Variants in TMBIM6 observed in about 807,000 individuals in gnomAD.
TMBIM6 encodes the protein bax inhibitor 1.
A neutral mutation model predicts 31.4 loss-of-function variants in TMBIM6; 13 were observed. The ratio of observed to expected loss-of-function variants is 0.41; its 90% confidence interval spans 0.27 to 0.66. The LOEUF is 0.66. Ranked by LOEUF, TMBIM6 falls within the 30% of genes least tolerant of loss-of-function variation. The pLI is 0.28. For synonymous variants in TMBIM6, 85 were observed against 101.7 expected (o/e 0.84, Z 0.99); for missense variants, 275 against 289.5 (o/e 0.95, Z 0.36).
At chr12:49,745,717 T>C (rs770977568) in intron 1 of TMBIM6, among the ~76,000 whole-genome samples, 15 of 104,228 alleles carry the variant, frequency 1.4e-4, no homozygotes, top group Non-Finnish European at 2.4e-4. Context: ...AGAGCGAGAC[T>C]CTGTCTCAAA....
rs1292621134 is a variant in TMBIM6 at position 49,764,727 on chromosome 12, GA to G, written c.*1844del. On this transcript the variant is annotated 3_prime_UTR_variant, in exon 10 of 10. Transcript: ENST00000267115. ...CAAGATATTAAAAAAAAAAAAGAAA[GA>G]AAAAAAAAAAAACACCTACTTTTAA... 0.037 allele frequency: 4,250 copies of G among 113,706 alleles called. 99 individuals carry two copies. The highest frequency in any genetic ancestry group is 0.076 in the Middle Eastern group (17 of 224). The allele number at this position is 113,706 out of a possible 1,614,324, so 7.0% of individuals were successfully genotyped here.
chr12:49,752,892 G>A (rs1361893725), intron 2 of TMBIM6, 81 bp from the exon 3 acceptor site: 4 of 1,296,282 alleles, frequency 3.1e-6, no homozygotes, highest in Non-Finnish European at 4.3e-6. Flanking sequence ...TCCCAGGAAG[G>A]GAAAGAGAGA....
At chr12:49,745,280 C>T (rs1449812272) in intron 1 of TMBIM6, among the ~76,000 whole-genome samples, 1 of 152,180 alleles carries the variant, frequency 6.6e-6, no homozygotes, top group African/African-American at 2.4e-5. Flanking sequence ...TCAAAATGTC[C>T]ATGGCCCTGT....
intron 1 of TMBIM6, among the ~76,000 whole-genome samples, chr12:49,746,954 G>C (rs1341584317): frequency 6.6e-6 from 1 of 151,896 alleles, no homozygotes; most frequent in Non-Finnish European, 1.5e-5. Flanking sequence ...TCCTTCCCTA[G>C]CCTCCTGAGT....
chr12:49,762,757 C>T, intron 9 of TMBIM6, 116 bp from the exon 10 acceptor site: 4 of 987,986 alleles, frequency 4.0e-6, no homozygotes, highest in Non-Finnish European at 1.6e-6. Context: ...AAGCATTTCT[C>T]ATTTCTTTTT....
At chr12:49,751,288 T>C (rs1004434772) in intron 1 of TMBIM6, among the ~76,000 whole-genome samples, 5 of 152,222 alleles carry the variant, frequency 3.3e-5, no homozygotes, top group African/African-American at 1.2e-4. Context: ...ATTAATATCC[T>C]GATTTTGATC....
At chr12:49,753,810 T>C (rs909328544) in intron 3 of TMBIM6, among the ~76,000 whole-genome samples, 4 of 152,214 alleles carry the variant, frequency 2.6e-5, no homozygotes, top group Non-Finnish European at 5.9e-5. Context: ...TTAGGCAAGG[T>C]TAGCCCTTAA....
intron 1 of TMBIM6, among the ~76,000 whole-genome samples, 192 bp from the exon 2 acceptor site, chr12:49,752,272 G>C (rs1470906): frequency 0.21 from 31,853 of 152,068 alleles, 5,484 homozygotes; most frequent in African/African-American, 0.48. Flanking sequence ...TTCCTCTGTC[G>C]TCTTTAAGAT....
At chr12:49,752,950 T>G (rs375282757) in intron 2 of TMBIM6, 23 bp from the exon 3 acceptor site, 2 of 1,605,454 alleles carry the variant, frequency 1.2e-6, no homozygotes, top group South Asian at 2.2e-5. Flanking sequence ...GACTGATTGC[T>G]CTTATTCACA....
chr12:49,749,435 A>ATTTTTTTTTTTTTTTTTTTTTTT (rs372622355), intron 1 of TMBIM6, among the ~76,000 whole-genome samples: 1 of 136,386 alleles, frequency 7.3e-6, no homozygotes, highest in African/African-American at 3.1e-5. Context: ...TTTGTAAGTC[A>ATTTTTTTTTTTTTTTTTTTTTTT]TTTTTGTTTT....
Position 49,761,991 on chromosome 12 carries a change from T to C in TMBIM6, c.690+212T>C. 7.6e-6 allele frequency: 4 copies of C among 526,196 alleles called. No individual in the cohort carries two copies. The South Asian group carries it at 1.1e-4, about 15-fold the overall frequency. The allele number at this position is 526,196 out of a possible 1,614,324, so 32.6% of individuals were successfully genotyped here. On this transcript the variant is annotated intron_variant, in intron 9 of 9. Transcript: ENST00000267115. ...AATTTTTTTAACTAATTCCTGCGTT[T>C]AGTATGAAAGGGAAAAAAGCTTCAG...
In TMBIM6 at chr12:49,761,609, G is replaced by A. The variant is rs532605688; in HGVS notation, c.615-95G>A. 3.0e-5 allele frequency: 33 copies of A among 1,106,730 alleles called. No homozygotes were observed. In the African/African-American group the frequency reaches 3.5e-4, roughly 12 times the overall value. 68.6% of individuals were successfully genotyped at this position (1,106,730 alleles called of 1,614,324 possible). On this transcript the variant is annotated intron_variant, in intron 8 of 9. Coordinates refer to ENST00000267115, the MANE Select transcript of TMBIM6 (RefSeq NM_003217.3). Reference sequence around the variant, plus strand: ...GGTAAAGTGTGGGAGAAGCTGGCTCGTGGGGGTAGGGGTGGGGTTTATATT... The same window carrying A: ...GGTAAAGTGTGGGAGAAGCTGGCTCATGGGGGTAGGGGTGGGGTTTATATT...
rs1405699741 is a variant in TMBIM6 at position 49,749,007 on chromosome 12, TG to T, written c.-30-3455del. On this transcript the variant is annotated intron_variant, in intron 1 of 9. Transcript: ENST00000267115. ...TCTTAAGAGCTGATTGCTCCTAGAATGGAAAATACTTGATATGAGAGCTGCT... is the reference window on the plus strand; with the variant it reads ...TCTTAAGAGCTGATTGCTCCTAGAATGAAAATACTTGATATGAGAGCTGCT... 2.0e-5 allele frequency among the ~76,000 whole-genome samples: 3 copies of T among 152,368 alleles called. No homozygotes were observed. In the East Asian group the frequency reaches 5.8e-4, roughly 29 times the overall value.
intron 1 of TMBIM6, among the ~76,000 whole-genome samples, chr12:49,743,004 T>G (rs901191047): frequency 1.1e-5 from 1 of 88,034 alleles, no homozygotes; most frequent in African/African-American, 4.6e-5. Context: ...TTTTTTTTTT[T>G]GAGGCAGAGT....
At chr12:49,761,613 G>A (rs1010851058) in intron 8 of TMBIM6, 91 bp from the exon 9 acceptor site, 1 of 1,155,826 alleles carries the variant, frequency 8.7e-7, no homozygotes, top group Non-Finnish European at 1.3e-6. Flanking sequence ...TGGCTCGTGG[G>A]GGTAGGGGTG....
intron 1 of TMBIM6, among the ~76,000 whole-genome samples, chr12:49,745,861 A>T (rs930605105): frequency 6.6e-6 from 1 of 152,168 alleles, no homozygotes; most frequent in Non-Finnish European, 1.5e-5. Context: ...CCAACTTCAG[A>T]CTAATGTAAG....
In TMBIM6 at chr12:49,742,184, A is replaced by G. The variant is rs1697034869; in HGVS notation, c.-31+573A>G. 3.1e-6 allele frequency: 5 copies of G among 1,613,496 alleles called. No homozygotes were observed. The African/African-American group carries it at 5.3e-5, about 17-fold the overall frequency. ...GCGAGGCTCCTCAGTTACTTAGCCA[A>G]CGGCAGAGGCGGGAAGTGAGAGGAG... On this transcript the variant is annotated intron_variant, in intron 1 of 9. Transcript: ENST00000267115.
intron 9 of TMBIM6, 114 bp downstream of exon 9, chr12:49,761,893 T>A: frequency 1.0e-6 from 1 of 990,950 alleles, no homozygotes; most frequent in Non-Finnish European, 1.5e-6. Context: ...AGGGTAACTG[T>A]AAGGCAGGCC....
At chr12:49,761,808 A>T (rs763945168) in intron 9 of TMBIM6, 29 bp downstream of exon 9, 2 of 1,607,206 alleles carry the variant, frequency 1.2e-6, no homozygotes, top group East Asian at 4.5e-5. Flanking sequence ...CAAAGATGAG[A>T]CAATAATGGC....
Sources: allele counts gnomAD v4.1 joint callset (sites outside exome capture counted in the v4.1 genomes callset), GRCh38; gene constraint gnomAD v4.1.1; transcripts MANE v1.5; gene names NCBI Gene and HGNC (gene_info 2026-07-23, HGNC 2026-07-21).